The following NTN4 variants were observed in gnomAD, a reference collection of about 807,000 sequenced individuals.
NTN4 encodes the protein netrin-4.
In NTN4, 32 loss-of-function variants were observed where a neutral mutation model predicts 73.6. The ratio of observed to expected loss-of-function variants is 0.44; its 90% CI spans 0.33 to 0.58. NTN4 has a LOEUF of 0.58. Among genes scored for constraint, NTN4 ranks in the 20% least tolerant of loss-of-function variants. NTN4 has a pLI of 0.04. For synonymous variants in NTN4, 258 were observed against 287.5 expected (o/e 0.90, Z 1.04); for missense variants, 654 against 798.3 (o/e 0.82, Z 2.18).
chr12:95,678,932 C>T (rs1038781700), intron 7 of NTN4, among the ~76,000 whole-genome samples: 1 of 151,838 alleles, frequency 6.6e-6, no homozygotes, highest in African/African-American at 2.4e-5. Context: ...GAACACTTTC[C>T]CAATAGCAAT....
intron 2 of NTN4, among the ~76,000 whole-genome samples, chr12:95,741,844 G>A (rs923812306): frequency 4.0e-5 from 6 of 151,714 alleles, no homozygotes; most frequent in East Asian, 1.9e-4. Context: ...CTGAAACCAC[G>A]GTAAGTGAAA....
chr12:95,736,845 C>T (rs1172179583), intron 3 of NTN4, among the ~76,000 whole-genome samples: 3 of 152,246 alleles, frequency 2.0e-5, no homozygotes, highest in African/African-American at 4.8e-5. Flanking sequence ...CCAGCCAGCA[C>T]AAACTGTCCT....
chr12:95,688,449 A>T (rs1218725815), intron 5 of NTN4, among the ~76,000 whole-genome samples: 1 of 152,090 alleles, frequency 6.6e-6, no homozygotes, highest in African/African-American at 2.4e-5. Context: ...GGGCAGATAG[A>T]TCCATGCTGA....
chr12:95,725,813 G>A (rs1447232195), intron 3 of NTN4, among the ~76,000 whole-genome samples: 1 of 152,118 alleles, frequency 6.6e-6, no homozygotes, highest in Non-Finnish European at 1.5e-5. Context: ...AAATGAAGGT[G>A]GAATACTGGT....
intron 2 of NTN4, among the ~76,000 whole-genome samples, chr12:95,748,898 C>G (rs1207192533): frequency 2.0e-5 from 3 of 152,210 alleles, no homozygotes; most frequent in Non-Finnish European, 1.5e-5. Context: ...CCATCGCATC[C>G]CCTGTGACTT....
intron 2 of NTN4, among the ~76,000 whole-genome samples, chr12:95,744,602 C>G (rs1189683538): frequency 6.6e-6 from 1 of 152,176 alleles, no homozygotes; most frequent in Admixed American, 6.5e-5. Context: ...ATCCATATTA[C>G]CTCTATGTAT....
chr12:95,765,573 T>G (rs1203646641), intron 2 of NTN4, among the ~76,000 whole-genome samples: 1 of 152,216 alleles, frequency 6.6e-6, no homozygotes, highest in Non-Finnish European at 1.5e-5. Flanking sequence ...GTACGTTAGT[T>G]GTCTGGGCTT....
chr12:95,678,654 G>C (rs2120974682), intron 7 of NTN4, among the ~76,000 whole-genome samples: 1 of 152,148 alleles, frequency 6.6e-6, no homozygotes, highest in African/African-American at 2.4e-5. Context: ...AACTACACAA[G>C]TGAGACAAAA....
At chr12:95,720,952 A>G (rs1021151791) in intron 3 of NTN4, among the ~76,000 whole-genome samples, 1 of 152,246 alleles carries the variant, frequency 6.6e-6, no homozygotes, top group Non-Finnish European at 1.5e-5. Flanking sequence ...TACAGTAGGT[A>G]TAACTATTAT....
chr12:95,695,228 A>G (rs1330949799), intron 5 of NTN4, among the ~76,000 whole-genome samples: 1 of 152,136 alleles, frequency 6.6e-6, no homozygotes, highest in Non-Finnish European at 1.5e-5. Flanking sequence ...GTTTTTGTAC[A>G]TCCTACCCAA....
intron 9 of NTN4, among the ~76,000 whole-genome samples, chr12:95,664,918 T>C (rs149737917): frequency 6.2e-4 from 95 of 152,128 alleles, no homozygotes; most frequent in Admixed American, 5.6e-3. Flanking sequence ...GGGAAGAACA[T>C]AAATAATGCA....
intron 2 of NTN4, among the ~76,000 whole-genome samples, chr12:95,759,491 G>GTTTTTTTTT (rs61286357): frequency 2.2e-5 from 3 of 136,386 alleles, no homozygotes; most frequent in African/African-American, 5.6e-5. Context: ...TAGTATTTTT[G>GTTTTTTTTT]TTTTTTTTTT....
At chr12:95,682,057 C>CTTTTTTTTTTTT (rs557973212) in intron 7 of NTN4, among the ~76,000 whole-genome samples, 1,132 of 64,518 alleles carry the variant, frequency 0.018, 282 homozygotes, top group East Asian at 0.043. Context: ...ATTCAGTAGG[C>CTTTTTTTTTTTT]TTTTTTTTTT....
intron 5 of NTN4, among the ~76,000 whole-genome samples, chr12:95,687,389 TTTTTTTG>T (rs1433898854): frequency 4.4e-4 from 62 of 140,128 alleles, no homozygotes; most frequent in East Asian, 3.2e-3. Context: ...AAAAAATTTT[TTTTTTTG>T]TTTTTTTGTT....
intron 6 of NTN4, 29 bp downstream of exon 6, chr12:95,683,469 A>G (rs372379442): frequency 6.3e-7 from 1 of 1,594,936 alleles, no homozygotes; most frequent in Non-Finnish European, 8.6e-7. Context: ...AAATACATGC[A>G]GCTGAGAGCA....
intron 5 of NTN4, among the ~76,000 whole-genome samples, chr12:95,699,576 A>C (rs1452718842): frequency 6.6e-6 from 1 of 152,052 alleles, no homozygotes; most frequent in Non-Finnish European, 1.5e-5. Flanking sequence ...TCATCCACCC[A>C]AAGCACCTGC....
chr12:95,692,514 G>A (rs1364965127), intron 5 of NTN4, among the ~76,000 whole-genome samples: 1 of 152,180 alleles, frequency 6.6e-6, no homozygotes, highest in African/African-American at 2.4e-5. Context: ...ATAGTTATAT[G>A]TTTGCAGCAA....
intron 3 of NTN4, among the ~76,000 whole-genome samples, chr12:95,727,734 A>G (rs2078705290): frequency 6.6e-6 from 1 of 152,170 alleles, no homozygotes; most frequent in South Asian, 2.1e-4. Context: ...GGAAAGTGTG[A>G]GTTCTCCAAC....
intron 5 of NTN4, among the ~76,000 whole-genome samples, chr12:95,685,890 CT>C (rs968805086): frequency 5.9e-4 from 87 of 147,484 alleles, no homozygotes; most frequent in Non-Finnish European, 6.9e-4. Context: ...ATAGATAATT[CT>C]TTTTTTTTTT....
Sources: gnomAD v4.1 joint callset for allele counts (sites outside exome capture counted in the v4.1 genomes callset) on GRCh38, gnomAD v4.1.1 for gene constraint, MANE v1.5 for transcripts, NCBI Gene and HGNC (gene_info 2026-07-23, HGNC 2026-07-21) for gene names.